The following TRHDE variants were observed in gnomAD, a reference collection of about 807,000 sequenced individuals.
TRHDE encodes the protein thyrotropin releasing hormone degrading enzyme.
Under a neutral mutation model 125.7 loss-of-function variants are expected in TRHDE, and 72 were observed. The ratio of observed to expected loss-of-function variants is 0.57; its 90% confidence interval spans 0.47 to 0.70. The LOEUF is 0.70. Among genes scored for constraint, TRHDE ranks in the 30% least tolerant of loss-of-function variants. TRHDE has a pLI of 0.00. For synonymous variants in TRHDE, 509 were observed against 509.1 expected (o/e 1.00, Z 0.00); for missense variants, 1,110 against 1,327.1 (o/e 0.84, Z 2.54).
chr12:72,485,029 C>T (rs548151853), intron 5 of TRHDE, among the ~76,000 whole-genome samples: 8 of 152,236 alleles, frequency 5.3e-5, no homozygotes, highest in African/African-American at 1.7e-4. Context: ...GGAGGGACTT[C>T]TTCCTGCAGA....
intron 2 of TRHDE, among the ~76,000 whole-genome samples, chr12:72,247,546 T>C (rs1878597741): frequency 6.6e-6 from 1 of 152,204 alleles, no homozygotes; most frequent in Admixed American, 6.5e-5. Context: ...GCCTGGCCAT[T>C]GTTATTTTAT....
chr12:72,097,459 T>C (rs1874957457), intron 1 of TRHDE, among the ~76,000 whole-genome samples: 1 of 149,324 alleles, frequency 6.7e-6, no homozygotes, highest in South Asian at 2.1e-4. Context: ...TTTTTTTTTT[T>C]TTTTTTTTAG....
chr12:72,346,408 C>A (rs948030759), intron 2 of TRHDE, among the ~76,000 whole-genome samples: 1 of 151,960 alleles, frequency 6.6e-6, no homozygotes, highest in Non-Finnish European at 1.5e-5. Flanking sequence ...TAAAATCCAG[C>A]GGGCACACTC....
chr12:72,600,890 A>T (rs1436983858), intron 12 of TRHDE, among the ~76,000 whole-genome samples: 1 of 152,090 alleles, frequency 6.6e-6, no homozygotes, highest in Non-Finnish European at 1.5e-5. Flanking sequence ...GCTCTGATAC[A>T]GTTGTACCAG....
At chr12:72,560,064 A>T (rs1226172917) in intron 7 of TRHDE, among the ~76,000 whole-genome samples, 15 of 152,318 alleles carry the variant, frequency 9.8e-5, no homozygotes, top group Non-Finnish European at 5.9e-5. Context: ...TTTCTTTATA[A>T]TTCTGCAGAA....
chr12:72,635,410 T>C (rs1873694574), intron 15 of TRHDE, among the ~76,000 whole-genome samples: 1 of 151,666 alleles, frequency 6.6e-6, no homozygotes, highest in African/African-American at 2.4e-5. Context: ...TAGCCCTTTG[T>C]CAGATGAGTA....
At chr12:72,288,182 A>G (rs964322013) in intron 2 of TRHDE, among the ~76,000 whole-genome samples, 1 of 152,166 alleles carries the variant, frequency 6.6e-6, no homozygotes, top group Non-Finnish European at 1.5e-5. Flanking sequence ...CTTTGTATTC[A>G]GTGTTGCTTG....
rs189748253 is a variant in TRHDE, at chr12:72,577,321, T to A, written c.2321+1779T>A. On this transcript the variant is annotated intron_variant, in intron 12 of 18. Transcript: ENST00000261180. Reference sequence around the variant, plus strand: ...AGTAATTTGTTTAATTTTCACAACTTTATAAGATATGTAGATAGATATTAT... The same window carrying A: ...AGTAATTTGTTTAATTTTCACAACTATATAAGATATGTAGATAGATATTAT... Among the ~76,000 whole-genome samples, 230 of 152,258 alleles carry A rather than the reference T, an allele frequency of 1.5e-3. 1 individual carries two copies. The highest frequency in any genetic ancestry group is 2.7e-3 in the Admixed American group (42 of 15,288).
intron 2 of TRHDE, among the ~76,000 whole-genome samples, chr12:72,168,194 G>A (rs1423215712): frequency 3.9e-5 from 6 of 152,162 alleles, no homozygotes; most frequent in Non-Finnish European, 7.4e-5. Flanking sequence ...TAGATACTGG[G>A]TAAACTGAAA....
chr12:72,429,220 G>A (rs1874321320), intron 3 of TRHDE, among the ~76,000 whole-genome samples: 1 of 151,882 alleles, frequency 6.6e-6, no homozygotes, highest in African/African-American at 2.4e-5. Flanking sequence ...GAGAGGGATA[G>A]CATTAGAAGA....
chr12:72,422,042 A>G (rs1415510931), intron 3 of TRHDE, among the ~76,000 whole-genome samples: 1 of 152,136 alleles, frequency 6.6e-6, no homozygotes, highest in African/African-American at 2.4e-5. Flanking sequence ...TGTCTTTTTC[A>G]TAGCTACAAT....
At chr12:72,636,653 C>T (rs907293677) in intron 15 of TRHDE, among the ~76,000 whole-genome samples, 10 of 152,148 alleles carry the variant, frequency 6.6e-5, no homozygotes, top group African/African-American at 1.9e-4. Flanking sequence ...TCATAGATAG[C>T]TCTTATTATT....
At chr12:72,494,051 A>G (rs1229910393) in intron 5 of TRHDE, among the ~76,000 whole-genome samples, 2 of 152,096 alleles carry the variant, frequency 1.3e-5, no homozygotes, top group South Asian at 4.1e-4. Flanking sequence ...AGAACCAGGC[A>G]TACCATCTGA....
At chr12:72,087,899 G>C (rs555538952) in intron 1 of TRHDE, among the ~76,000 whole-genome samples, 1 of 152,156 alleles carries the variant, frequency 6.6e-6, no homozygotes, top group Non-Finnish European at 1.5e-5. Flanking sequence ...AGAACAGGAG[G>C]AGTAGGACTG....
intron 12 of TRHDE, among the ~76,000 whole-genome samples, chr12:72,589,672 T>A (rs1245609030): frequency 6.6e-6 from 1 of 152,152 alleles, no homozygotes; most frequent in Non-Finnish European, 1.5e-5. Context: ...TTCATCTAGG[T>A]CATTACAGTC....
At chr12:72,120,835 C>T (rs191390989) in intron 2 of TRHDE, among the ~76,000 whole-genome samples, 1,738 of 151,866 alleles carry the variant, frequency 0.011, 25 homozygotes, top group African/African-American at 0.039. Flanking sequence ...TGTGCCACCA[C>T]GCCCGGCTAA....
At chr12:72,488,318 G>A (rs1236929188) in intron 5 of TRHDE, among the ~76,000 whole-genome samples, 1 of 151,940 alleles carries the variant, frequency 6.6e-6, no homozygotes. Flanking sequence ...AAGGGTGGAA[G>A]GACTCCATGT....
chr12:72,457,357 T>C (rs1349535960), intron 3 of TRHDE, among the ~76,000 whole-genome samples: 1 of 152,142 alleles, frequency 6.6e-6, no homozygotes, highest in African/African-American at 2.4e-5. Flanking sequence ...TCTGTTCTTC[T>C]TTTTTCTCTC....
At chr12:72,560,592 A>T (rs563413826) in intron 7 of TRHDE, 1 of 152,218 alleles carries the variant, frequency 6.6e-6, no homozygotes, top group East Asian at 1.9e-4. Context: ...CAGGCCATGG[A>T]GGGAGACTAG....
Sources: gnomAD v4.1 joint callset for allele counts (sites outside exome capture counted in the v4.1 genomes callset) on GRCh38, gnomAD v4.1.1 for gene constraint, MANE v1.5 for transcripts, NCBI Gene and HGNC (gene_info 2026-07-23, HGNC 2026-07-21) for gene names.